AUTS2: variants seen among roughly 807,000 people sequenced by gnomAD.
AUTS2 encodes the protein autism susceptibility gene 2 protein.
A neutral mutation model predicts 112.4 loss-of-function variants in AUTS2; 17 were observed. The ratio of observed to expected loss-of-function variants is 0.15; its 90% CI spans 0.10 to 0.23. AUTS2 has a LOEUF of 0.23. Among genes scored for constraint, AUTS2 ranks in the 10% least tolerant of loss-of-function variants. The pLI, the probability that AUTS2 is intolerant of heterozygous loss-of-function variation, is 1.00. For missense variants in AUTS2, 1,510 were observed against 1,701.6 expected (o/e 0.89, Z 1.98); for synonymous variants, 751 against 702.7 (o/e 1.07, Z -1.09).
At chr7:70,774,305 G>A (rs967285117) in intron 12 of AUTS2, 92 of 552,402 alleles carry the variant, frequency 1.7e-4, no homozygotes, top group African/African-American at 1.5e-3. Context: ...CAAAGAGACC[G>A]ACTTGCCGAT....
intron 6 of AUTS2, among the ~76,000 whole-genome samples, chr7:70,701,614 T>C (rs1809466552): frequency 6.6e-6 from 1 of 152,228 alleles, no homozygotes; most frequent in South Asian, 2.1e-4. Flanking sequence ...TCCTGCCTTT[T>C]ATTTCCTGCT....
intron 6 of AUTS2, among the ~76,000 whole-genome samples, chr7:70,709,079 C>T (rs57055247): frequency 0.14 from 21,912 of 151,578 alleles, 2,155 homozygotes; most frequent in East Asian, 0.39. Flanking sequence ...CACCACGCCT[C>T]GCTAATTTTT....
chr7:70,692,763 CTTT>C (rs3053872), intron 5 of AUTS2, among the ~76,000 whole-genome samples: 30,683 of 147,108 alleles, frequency 0.21, 3,553 homozygotes, highest in African/African-American at 0.32. Context: ...GCACCCCCAC[CTTT>C]TTTTTTTTTT....
At chr7:70,710,023 C>A (rs548381842) in intron 6 of AUTS2, among the ~76,000 whole-genome samples, 2 of 152,250 alleles carry the variant, frequency 1.3e-5, no homozygotes, top group Admixed American at 1.3e-4. Context: ...ACGGTATTAA[C>A]CTCCAGAATA....
At chr7:70,484,397 G>A (rs2116266980) in intron 5 of AUTS2, among the ~76,000 whole-genome samples, 1 of 152,332 alleles carries the variant, frequency 6.6e-6, no homozygotes, top group South Asian at 2.1e-4. Flanking sequence ...GGTCAGAGTA[G>A]TACTTGGGGA....
chr7:69,742,844 G>A (rs1472094217), intron 1 of AUTS2, among the ~76,000 whole-genome samples: 2 of 152,170 alleles, frequency 1.3e-5, no homozygotes, highest in Non-Finnish European at 2.9e-5. Context: ...TTTGTTGCCT[G>A]TAAACCACTT....
chr7:69,855,629 G>C (rs1792685899), intron 1 of AUTS2, among the ~76,000 whole-genome samples: 1 of 152,130 alleles, frequency 6.6e-6, no homozygotes, highest in Non-Finnish European at 1.5e-5. Flanking sequence ...AGTCTGTAAA[G>C]GTTTATGAAT....
At chr7:69,704,755 T>A (rs1257555521) in intron 1 of AUTS2, among the ~76,000 whole-genome samples, 1 of 152,200 alleles carries the variant, frequency 6.6e-6, no homozygotes, top group Non-Finnish European at 1.5e-5. Context: ...AAGAGTTTTG[T>A]CATTTGCCCA....
intron 4 of AUTS2, among the ~76,000 whole-genome samples, chr7:70,341,621 T>C (rs1791266592): frequency 6.6e-6 from 1 of 152,252 alleles, no homozygotes; most frequent in Non-Finnish European, 1.5e-5. Flanking sequence ...TGGTAGATTT[T>C]TCTAATTAGT....
intron 4 of AUTS2, among the ~76,000 whole-genome samples, chr7:70,356,624 T>A (rs1357240212): frequency 1.3e-5 from 2 of 152,214 alleles, no homozygotes; most frequent in Non-Finnish European, 2.9e-5. Context: ...TTAAATGTGG[T>A]ATTATTGCAA....
At chr7:69,904,722 G>A (rs1405997966) in intron 2 of AUTS2, among the ~76,000 whole-genome samples, 1 of 152,138 alleles carries the variant, frequency 6.6e-6, no homozygotes, top group African/African-American at 2.4e-5. Flanking sequence ...GTCATGTGAA[G>A]GTTACAAGCT....
chr7:69,675,277 A>G (rs1448267966), intron 1 of AUTS2, among the ~76,000 whole-genome samples: 1 of 152,196 alleles, frequency 6.6e-6, no homozygotes, highest in Non-Finnish European at 1.5e-5. Context: ...TTAGACGTAC[A>G]TGAAACTTGA....
At chr7:69,740,387 T>A (rs1039039758) in intron 1 of AUTS2, among the ~76,000 whole-genome samples, 1 of 152,190 alleles carries the variant, frequency 6.6e-6, no homozygotes, top group Non-Finnish European at 1.5e-5. Flanking sequence ...CCAGCTCTGA[T>A]TGACAAGAGC....
At position 70,241,297 on chromosome 7, in the gene AUTS2, T is replaced by C. The variant is rs1282560967; in HGVS notation, c.660+106726T>C. On this transcript the variant is annotated intron_variant, in intron 4 of 18. Coordinates refer to ENST00000342771, the MANE Select transcript of AUTS2 (RefSeq NM_015570.4). ...AATGGGAAAAATAACACAAATCGTT[T>C]TGATTTTCTTTAAGGAAATTCATTG... is the stretch of plus-strand genomic sequence containing the variant. 4.6e-5 allele frequency among the ~76,000 whole-genome samples: 7 copies of C among 152,336 alleles called. No homozygotes were observed. The East Asian group carries it at 1.3e-3, about 29-fold the overall frequency.
At chr7:69,608,357 C>A (rs1792845497) in intron 1 of AUTS2, among the ~76,000 whole-genome samples, 1 of 152,160 alleles carries the variant, frequency 6.6e-6, no homozygotes, top group South Asian at 2.1e-4. Context: ...CCACACCTAC[C>A]CTCGTCTGCA....
chr7:70,188,882 C>T (rs971884456), intron 4 of AUTS2, among the ~76,000 whole-genome samples: 2 of 151,576 alleles, frequency 1.3e-5, no homozygotes, highest in African/African-American at 2.4e-5. Context: ...CCACCGCAAC[C>T]GGCTGCATCT....
At chr7:70,082,623 G>C (rs1212080397) in intron 2 of AUTS2, among the ~76,000 whole-genome samples, 2 of 152,180 alleles carry the variant, frequency 1.3e-5, no homozygotes, top group Non-Finnish European at 2.9e-5. Context: ...TGGCCTTTTA[G>C]TCTTGTATTT....
At chr7:70,775,642 C>G (rs2129558915) in intron 13 of AUTS2, among the ~76,000 whole-genome samples, 1 of 151,840 alleles carries the variant, frequency 6.6e-6, no homozygotes, top group East Asian at 1.9e-4. Context: ...GTTAGCAGTT[C>G]TGGTAAAAGG....
chr7:70,708,211 C>T (rs4610627), intron 6 of AUTS2, among the ~76,000 whole-genome samples: 115,506 of 152,110 alleles, frequency 0.76, 43,964 homozygotes, highest in East Asian at 0.94. Flanking sequence ...ATTCTCTGTT[C>T]ATAGCTGGGA....
Sources: allele counts gnomAD v4.1 joint callset (sites outside exome capture counted in the v4.1 genomes callset), GRCh38; gene constraint gnomAD v4.1.1; transcripts MANE v1.5; gene names NCBI Gene and HGNC (gene_info 2026-07-23, HGNC 2026-07-21).